NCALD: variants seen among roughly 807,000 people sequenced by gnomAD.
NCALD encodes neurocalcin-delta.
Under a neutral mutation model 18.6 loss-of-function variants are expected in NCALD, and 10 were observed. That is an observed-to-expected ratio of 0.54 (90% CI 0.33 to 0.91). The LOEUF (loss-of-function observed/expected upper bound fraction) is 0.91. NCALD is among the 40% of genes least tolerant of loss of function. The probability of loss-of-function intolerance (pLI) is 0.03; values close to 1 mark genes in which losing one functional copy is unlikely to be tolerated. For missense variants in NCALD, 184 were observed against 247.6 expected (o/e 0.74, Z 1.72); for synonymous variants, 88 against 87.4 (o/e 1.01, Z -0.04).
chr8:101,930,162 A>T (rs112823473), intron 2 of NCALD, among the ~76,000 whole-genome samples: 1 of 152,218 alleles, frequency 6.6e-6, no homozygotes, highest in Non-Finnish European at 1.5e-5. Context: ...TTTAAAAACT[A>T]AAGAATAGCT....
chr8:102,057,282 A>G (rs1208194769), intron 1 of NCALD, among the ~76,000 whole-genome samples: 1 of 151,744 alleles, frequency 6.6e-6, no homozygotes, highest in Non-Finnish European at 1.5e-5. Flanking sequence ...ACACACACAC[A>G]CACATATGTA....
intron 4 of NCALD, among the ~76,000 whole-genome samples, chr8:101,865,269 G>A (rs1815722231): frequency 6.6e-6 from 1 of 152,142 alleles, no homozygotes; most frequent in Non-Finnish European, 1.5e-5. Context: ...AAAATGGTTT[G>A]AATTCCCTTT....
At chr8:101,853,716 T>A (rs1049072732) in intron 4 of NCALD, among the ~76,000 whole-genome samples, 5 of 151,932 alleles carry the variant, frequency 3.3e-5, no homozygotes, top group African/African-American at 7.3e-5. Flanking sequence ...TGCTGGAGAG[T>A]AGTCCTTGTT....
chr8:101,804,515 T>A (rs1813006836), intron 4 of NCALD, among the ~76,000 whole-genome samples: 1 of 119,280 alleles, frequency 8.4e-6, no homozygotes, highest in Non-Finnish European at 1.6e-5. Context: ...TTATATAATA[T>A]ATAACAAAGA....
chr8:101,759,262 G>A (rs1183499690), intron 1 of NCALD, among the ~76,000 whole-genome samples: 1 of 152,132 alleles, frequency 6.6e-6, no homozygotes, highest in Non-Finnish European at 1.5e-5. Context: ...CCAAGCCAAT[G>A]GCTAGAAGAA....
intron 1 of NCALD, among the ~76,000 whole-genome samples, chr8:101,740,826 A>G (rs992213943): frequency 2.0e-5 from 3 of 152,198 alleles, no homozygotes; most frequent in Non-Finnish European, 2.9e-5. Context: ...GTTTACTCAC[A>G]TACCATGCTG....
chr8:101,926,953 A>G (rs1482893964), intron 2 of NCALD, among the ~76,000 whole-genome samples: 4 of 152,180 alleles, frequency 2.6e-5, no homozygotes, highest in African/African-American at 7.2e-5. Context: ...TCACTGTCCT[A>G]TTGAGAAGAG....
chr8:102,054,031 T>G (rs540299335), intron 1 of NCALD, among the ~76,000 whole-genome samples: 1 of 152,338 alleles, frequency 6.6e-6, no homozygotes, highest in South Asian at 2.1e-4. Context: ...TAGTAGAACA[T>G]GTCAATGGTG....
chr8:102,081,692 A>C (rs1451693167), intron 1 of NCALD, among the ~76,000 whole-genome samples: 1 of 152,206 alleles, frequency 6.6e-6, no homozygotes, highest in African/African-American at 2.4e-5. Context: ...GCTGACATTT[A>C]AAGATGATTC....
At position 101,807,920 on chromosome 8, in the gene NCALD, A is replaced by G. The variant is rs138177402; in HGVS notation, c.-20+79221T>C. Among the ~76,000 whole-genome samples the G allele has an allele frequency of 5.7e-3, 872 of 152,320 alleles. 11 individuals carry two copies. The highest frequency in any genetic ancestry group is 0.018 in the African/African-American group (766 of 41,586). On this transcript the variant is annotated intron_variant, in intron 4 of 6. Coordinates refer to the NCALD transcript ENST00000311028. ...CATCATAAAACTAAAGAAAGTAGAA[A>G]GAAGGAAATAATAAAATGAGAAGAA...
At chr8:101,731,015 C>T (rs1229175247) in intron 1 of NCALD, among the ~76,000 whole-genome samples, 1 of 151,982 alleles carries the variant, frequency 6.6e-6, no homozygotes, top group Non-Finnish European at 1.5e-5. Flanking sequence ...GAACGGGTGT[C>T]GGAGTTTTGA....
chr8:101,885,608 T>A (rs967516620), intron 4 of NCALD, among the ~76,000 whole-genome samples: 3 of 152,220 alleles, frequency 2.0e-5, no homozygotes, highest in Non-Finnish European at 4.4e-5. Flanking sequence ...ACCTGCAGCA[T>A]GAACTCTCGC....
intron 4 of NCALD, among the ~76,000 whole-genome samples, chr8:101,863,461 C>CTT (rs374268615): frequency 0.031 from 4,523 of 146,978 alleles, 225 homozygotes; most frequent in African/African-American, 0.1. Context: ...ATGTTTCTCA[C>CTT]TTTTTTTTTT....
intron 2 of NCALD, among the ~76,000 whole-genome samples, chr8:101,988,967 T>C (rs924812966): frequency 2.7e-5 from 4 of 145,630 alleles, no homozygotes; most frequent in African/African-American, 1.0e-4. Context: ...GAAAGAGAGA[T>C]GGAGAGGCGT....
intron 2 of NCALD, among the ~76,000 whole-genome samples, chr8:101,705,858 G>A (rs1463664128): frequency 1.3e-5 from 2 of 152,212 alleles, no homozygotes; most frequent in African/African-American, 2.4e-5. Flanking sequence ...GAACAGAAAT[G>A]AGATCCCACT....
rs572923448 is a variant in NCALD, at chr8:101,869,691, C to T, written c.-20+17450G>A. ...AAATATTAATTGATAACAATAAAAG[C>T]TCAAAGTACTGTTTTAATAGAAGAC... On this transcript the variant is annotated intron_variant, in intron 4 of 6. Transcript: ENST00000311028. Among the ~76,000 whole-genome samples, 4 of 152,236 alleles carry T rather than the reference C, an allele frequency of 2.6e-5. No homozygotes were observed. In the East Asian group the frequency reaches 7.7e-4, roughly 29 times the overall value.
intron 2 of NCALD, among the ~76,000 whole-genome samples, chr8:101,975,542 C>A (rs1820390834): frequency 6.6e-6 from 1 of 152,160 alleles, no homozygotes; most frequent in Non-Finnish European, 1.5e-5. Context: ...CAAAAATAAC[C>A]CTTGTAAGGC....
At chr8:101,902,146 T>C (rs1358854077) in intron 3 of NCALD, among the ~76,000 whole-genome samples, 2 of 152,144 alleles carry the variant, frequency 1.3e-5, no homozygotes, top group Non-Finnish European at 2.9e-5. Context: ...CATAGATCCG[T>C]GCCCTCTTTT....
intron 1 of NCALD, chr8:101,745,803 A>T (rs1187509798): frequency 6.6e-6 from 1 of 152,226 alleles, no homozygotes; most frequent in East Asian, 1.9e-4. Flanking sequence ...TAATCTCTGT[A>T]ACAACTGTAA....
Sources: gnomAD v4.1 joint callset for allele counts (sites outside exome capture counted in the v4.1 genomes callset) on GRCh38, gnomAD v4.1.1 for gene constraint, MANE v1.5 for transcripts, NCBI Gene and HGNC (gene_info 2026-07-23, HGNC 2026-07-21) for gene names.